The following MTG1 variants were observed in gnomAD, a reference collection of about 807,000 sequenced individuals.
MTG1 encodes the protein mitochondrial ribosome associated GTPase 1, also known as mitochondrial ribosome-associated GTPase 1.
MTG1 carries 30 observed loss-of-function variants against 39.5 expected under a neutral mutation model. That is an observed-to-expected ratio of 0.76 (90% confidence interval 0.57 to 1.03). MTG1 has a LOEUF of 1.03. MTG1 is among the 50% of genes least tolerant of loss of function. MTG1 has a pLI of 0.00. For missense variants in MTG1, 513 were observed against 447.4 expected, an observed-to-expected ratio of 1.15 and a Z score of -1.32; for synonymous variants, 217 against 179.0, an observed-to-expected ratio of 1.21 and a Z score of -1.69.
At chr10:133,409,798 C>T (rs1850019052) in intron 9 of MTG1, among the ~76,000 whole-genome samples, 1 of 151,930 alleles carries the variant, frequency 6.6e-6, no homozygotes, top group Admixed American at 6.6e-5. Context: ...TTTTTACAGT[C>T]TGACCTGTAG....
In MTG1 at chr10:133,411,567, C is replaced by G. The variant is rs543537167; in HGVS notation, c.753-7913C>G. Reference sequence around the variant, plus strand: ...CCTCTTGCTCGGTTCCTTCTTGAACCCCAGTAATTCCTAGGTTTGCTCCTC... The same window carrying G: ...CCTCTTGCTCGGTTCCTTCTTGAACGCCAGTAATTCCTAGGTTTGCTCCTC... On this transcript the variant is annotated intron_variant, in intron 9 of 10. Transcript: ENST00000317502. 5.9e-5 allele frequency among the ~76,000 whole-genome samples: 9 copies of G among 152,206 alleles called. No homozygotes were observed. The East Asian group carries it at 1.7e-3, about 29-fold the overall frequency.
Position 133,402,203 on chromosome 10 carries a change from C to G in MTG1, c.628C>G (p.Arg210Gly). 1 of 1,605,746 alleles carries G rather than the reference C, an allele frequency of 6.2e-7. No individual in the cohort carries two copies. Among genetic ancestry groups the G allele is most frequent in the Non-Finnish European group, 8.5e-7 (1 of 1,174,982 alleles). ...LLDTPGVLAP[R>G]IESVETGLKL... ...GGACACTCCTGGCGTGCTGGCTCCT[C>G]GGATTGAAAGTGTGGAGACAGGCCT... Residue 210 changes from arginine (R) to glycine (G), a missense_variant, in exon 8 of 11, where the codon CGG becomes GGG. Physicochemically the swap from Arg to Gly is moderately radical, Grantham distance 125. Transcript: ENST00000317502. This position sits in a 1 kb window ranked among gnomAD's most constrained non-coding sequence, Gnocchi z 4.7.
rs1232203802 is a variant in MTG1 at position 133,402,844 on chromosome 10, C to CA, written c.752+78dup. 4.5e-6 allele frequency: 5 copies of CA among 1,112,744 alleles called. No homozygotes were observed. The highest frequency in any genetic ancestry group is 5.1e-6 in the Non-Finnish European group (4 of 777,682). The allele number at this position is 1,112,744 out of a possible 1,614,324, so 68.9% of individuals were successfully genotyped here. A position where few individuals can be genotyped will look rare whatever the true frequency, so the allele number is the denominator to read the frequency against. ...ACCTCATTTAAAAAAAAAAAACAAACAAAAAAACCCCCAGCATTATAAAGG... is the reference window on the plus strand; with the variant it reads ...ACCTCATTTAAAAAAAAAAAACAAACAAAAAAAACCCCCAGCATTATAAAGG... On this transcript the variant is annotated intron_variant, in intron 9 of 10. Coordinates refer to ENST00000317502, the MANE Select transcript of MTG1 (RefSeq NM_138384.4). This position sits in a 1 kb window ranked among gnomAD's most constrained non-coding sequence, Gnocchi z 4.7.
At chr10:133,396,765 C>T (rs938366506) in intron 3 of MTG1, among the ~76,000 whole-genome samples, 1 of 152,106 alleles carries the variant, frequency 6.6e-6, no homozygotes, top group East Asian at 1.9e-4. Context: ...AAAAACCAGG[C>T]CATACAGAGA....
Position 133,402,468 on chromosome 10 carries a change from C to T in MTG1, c.670+223C>T, listed in dbSNP as rs1033641900. On this transcript the variant is annotated intron_variant, in intron 8 of 10. Coordinates refer to ENST00000317502, the MANE Select transcript of MTG1 (RefSeq NM_138384.4). This position sits in a 1 kb window ranked among gnomAD's most constrained non-coding sequence, Gnocchi z 4.7. ...GCCCCATGAGTGGCCTTCCCTTTCC[C>T]CATTTGACGGACCAGGGCAGAGAGG... is the stretch of plus-strand genomic sequence containing the variant. The T allele has an allele frequency of 3.0e-5, 21 of 694,044 alleles. No homozygotes were observed. Among genetic ancestry groups the T allele is most frequent in the Admixed American group, 1.3e-4 (5 of 38,090 alleles). 43.0% of individuals were successfully genotyped at this position (694,044 alleles called of 1,614,324 possible).
In MTG1 at chr10:133,395,741, G is replaced by A. The variant is rs1132347; in HGVS notation, c.141G>A (p.Lys47=). Residue 47 remains lysine (K), a synonymous_variant, in exon 2 of 11, where the codon AAG becomes AAA. Transcript: ENST00000317502. ...TGAAGAAGATGCAGAGCAGCCTGAA[G>A]CTGGTGGACTGTATCATCGAGGTCC... is the stretch of plus-strand genomic sequence containing the variant. ...KGLKKMQSSL[K]LVDCIIEVHD... 4.3e-6 allele frequency: 7 copies of A among 1,614,182 alleles called. No individual in the cohort carries two copies. In the South Asian group the frequency reaches 6.6e-5, roughly 15 times the overall value.
intron 1 of MTG1, 73 bp from the exon 2 acceptor site, chr10:133,395,640 G>T: frequency 7.1e-7 from 1 of 1,412,072 alleles, no homozygotes; most frequent in Non-Finnish European, 1.0e-6. Context: ...TGTCATTCTG[G>T]ACGGTTCAGC....
At chr10:133,394,390 CT>C in intron 1 of MTG1, 58 bp downstream of exon 1, 1 of 1,384,800 alleles carries the variant, frequency 7.2e-7, no homozygotes. Flanking sequence ...CTCTGCTTCC[CT>C]CCCACCCCGG....
chr10:133,397,488 T>C (rs1849800484), intron 3 of MTG1, among the ~76,000 whole-genome samples: 2 of 151,326 alleles, frequency 1.3e-5, no homozygotes, highest in African/African-American at 4.9e-5. Flanking sequence ...ATTTTCTTTT[T>C]TTTTTTTTGA....
chr10:133,420,190 A>G lies in MTG1; in HGVS notation c.*25A>G. 6.3e-7 allele frequency: 1 copy of G among 1,587,318 alleles called. No individual in the cohort carries two copies. The highest frequency in any genetic ancestry group is 1.7e-5 in the Admixed American group (1 of 57,904). On this transcript the variant is annotated 3_prime_UTR_variant, in exon 11 of 11. Transcript: ENST00000317502. ...AACTTGTCCGGGTAGGGAGGGCCGG[A>G]GGCATGTGGCCTCCCAGACCTCCTG...
At chr10:133,409,168 T>C (rs961379961) in intron 9 of MTG1, among the ~76,000 whole-genome samples, 1 of 152,216 alleles carries the variant, frequency 6.6e-6, no homozygotes, top group Admixed American at 6.5e-5. Flanking sequence ...TTAGCGTAGG[T>C]GTTTGTTGCT....
rs1362089168 is a variant in MTG1, at chr10:133,421,443, C to G, written c.*1278C>G. ...CAAAGTTGAGGGGGCTCCGGTGGGTCTCTCTGCTGTGAGGAGACTCAGACC... is the reference window on the plus strand; with the variant it reads ...CAAAGTTGAGGGGGCTCCGGTGGGTGTCTCTGCTGTGAGGAGACTCAGACC... On this transcript the variant is annotated 3_prime_UTR_variant, in exon 11 of 11. Coordinates refer to ENST00000317502, the MANE Select transcript of MTG1 (RefSeq NM_138384.4). The G allele has an allele frequency of 2.6e-5, 4 of 153,012 alleles. No individual in the cohort carries two copies. The highest frequency in any genetic ancestry group is 1.9e-4 in the East Asian group (1 of 5,190). 9.5% of individuals were successfully genotyped at this position (153,012 alleles called of 1,614,324 possible). A position where few individuals can be genotyped will look rare whatever the true frequency, so the allele number is the denominator to read the frequency against.
Position 133,420,209 on chromosome 10 carries a change from C to T in MTG1, c.*44C>T, listed in dbSNP as rs1850209921. On this transcript the variant is annotated 3_prime_UTR_variant, in exon 11 of 11. Coordinates refer to ENST00000317502, the MANE Select transcript of MTG1 (RefSeq NM_138384.4). Reference sequence around the variant, plus strand: ...GGCCGGAGGCATGTGGCCTCCCAGACCTCCTGACCTGGGTGGTTGAGGCTC... The same window carrying T: ...GGCCGGAGGCATGTGGCCTCCCAGATCTCCTGACCTGGGTGGTTGAGGCTC... 5 of 1,560,896 alleles carry T rather than the reference C, an allele frequency of 3.2e-6. No homozygotes were observed. Among genetic ancestry groups the T allele is most frequent in the East Asian group, 4.5e-5 (2 of 44,008 alleles).
chr10:133,416,371 GATAT>G (rs147744350), intron 9 of MTG1, among the ~76,000 whole-genome samples: 1 of 136,520 alleles, frequency 7.3e-6, no homozygotes. Context: ...ATTTTTGGAT[GATAT>G]ATATATATAT....
intron 1 of MTG1, among the ~76,000 whole-genome samples, chr10:133,395,107 G>T (rs1026156593): frequency 3.3e-5 from 5 of 152,164 alleles, no homozygotes; most frequent in South Asian, 2.1e-4. Context: ...ATTAAGACCC[G>T]TGGAAGGGCC....
Position 133,394,276 on chromosome 10 carries a change from AC to A in MTG1, c.57del (p.Phe20SerfsTer20). On this transcript the variant is annotated frameshift_variant, in exon 1 of 11. Transcript: ENST00000317502. LOFTEE classifies it high-confidence loss of function. ...GCCGCCCAGGCCGCCTGGCGGGAGA[AC>A]TTCCCCCTGTGCGGTCGCGACGTGG... Reference protein sequence around the residue: ...CSAAQAAWRENFPLCGRDVAR... With the variant: ...CSAAQAAWREXFPLCGRDVAR... 2 of 1,517,532 alleles carry A rather than the reference AC, an allele frequency of 1.3e-6. No homozygotes were observed. The highest frequency in any genetic ancestry group is 2.4e-5 in the South Asian group (2 of 82,022). The allele number at this position is 1,517,532 out of a possible 1,614,324, so 94.0% of individuals were successfully genotyped here.
intron 1 of MTG1, chr10:133,394,777 C>A: frequency 1.0e-6 from 1 of 973,140 alleles, no homozygotes; most frequent in Non-Finnish European, 1.2e-6. Flanking sequence ...AGTCGTTCTC[C>A]TGCTTAACGT....
Position 133,402,097 on chromosome 10 carries a change from C to T in MTG1, c.574-52C>T, listed in dbSNP as rs551316855. 84 of 1,610,524 alleles carry T rather than the reference C, an allele frequency of 5.2e-5. No homozygotes were observed. The South Asian group carries it at 8.6e-4, about 16-fold the overall frequency. Reference sequence around the variant, plus strand: ...TGCCCAGGCTTCCTGAGTGGCCCACCTGGGTGGGAGGCTGCCACCGCGGCC... The same window carrying T: ...TGCCCAGGCTTCCTGAGTGGCCCACTTGGGTGGGAGGCTGCCACCGCGGCC... On this transcript the variant is annotated intron_variant, in intron 7 of 10. Transcript: ENST00000317502. The surrounding 1 kb of genome is among the most constrained non-coding windows in gnomAD (Gnocchi z 4.7).
intron 9 of MTG1, among the ~76,000 whole-genome samples, chr10:133,419,015 G>A (rs1243808226): frequency 1.3e-5 from 2 of 152,254 alleles, no homozygotes; most frequent in Admixed American, 6.5e-5. Flanking sequence ...TGGAGAGGAT[G>A]CAGGTGTACT....
Sources: gnomAD v4.1 joint callset for allele counts (sites outside exome capture counted in the v4.1 genomes callset) on GRCh38, gnomAD v4.1.1 for gene constraint, Gnocchi (gnomAD v3.1) non-coding constraint, MANE v1.5 for transcripts, NCBI Gene and HGNC (gene_info 2026-07-23, HGNC 2026-07-21) for gene names.